Variants in KLRG2 observed in about 807,000 individuals in gnomAD.
The protein encoded by KLRG2 is killer cell lectin like receptor G2, also known as killer cell lectin-like receptor subfamily G member 2.
In KLRG2, 39 loss-of-function variants were observed where a neutral mutation model predicts 35.4. The observed-to-expected ratio is 1.10, with a 90% CI of 0.85 to 1.44. KLRG2 has a LOEUF of 1.44. KLRG2 is among the 40% of genes most tolerant of loss of function. KLRG2 has a pLI of 0.00. For missense variants in KLRG2, 632 were observed against 570.9 expected (o/e 1.11, Z -1.09); for synonymous variants, 283 against 265.8 (o/e 1.06, Z -0.63).
At position 139,467,339 on chromosome 7, in the gene KLRG2, A is replaced by G. The variant is rs532409947; in HGVS notation, c.1005+12288T>C. Among the ~76,000 whole-genome samples the G allele has an allele frequency of 5.9e-5, 9 of 152,328 alleles. No individual in the cohort carries two copies. In the East Asian group the frequency reaches 1.7e-3, roughly 29 times the overall value. On this transcript the variant is annotated intron_variant, in intron 3 of 4. Coordinates refer to ENST00000340940, the MANE Select transcript of KLRG2 (RefSeq NM_198508.4). Reference sequence around the variant, plus strand: ...AGCCATCATATCCCCTGTGACCTGCACATATATATACATCCAGGTGGCCTG... The same window carrying G: ...AGCCATCATATCCCCTGTGACCTGCGCATATATATACATCCAGGTGGCCTG...
the KLRG2 span, among the ~76,000 whole-genome samples, chr7:139,440,751 G>A: frequency 1.5e-3 from 225 of 152,094 alleles, no homozygotes; most frequent in African/African-American, 5.1e-3. Flanking sequence ...TGCCTGGCAC[G>A]ACCTCATCTT....
At chr7:139,446,335 G>GGTT in the KLRG2 span, among the ~76,000 whole-genome samples, 1 of 127,954 alleles carries the variant, frequency 7.8e-6, no homozygotes, top group Non-Finnish European at 1.6e-5. Flanking sequence ...CATTTTCCAG[G>GGTT]GTTTTTTTTT....
intron 3 of KLRG2, among the ~76,000 whole-genome samples, chr7:139,459,568 C>A (rs927481642): frequency 6.6e-6 from 1 of 152,208 alleles, no homozygotes; most frequent in Non-Finnish European, 1.5e-5. Context: ...TCAACGCCAA[C>A]ACCTCAGGGC....
the KLRG2 span, among the ~76,000 whole-genome samples, chr7:139,435,770 C>G: frequency 6.6e-6 from 1 of 152,250 alleles, no homozygotes; most frequent in Non-Finnish European, 1.5e-5. Flanking sequence ...TGCATCAGCA[C>G]ATCCCACCTT....
At chr7:139,440,410 GC>G in the KLRG2 span, among the ~76,000 whole-genome samples, 2 of 61,224 alleles carry the variant, frequency 3.3e-5, no homozygotes, top group African/African-American at 1.8e-4. Flanking sequence ...ACCACACCTG[GC>G]TTTTTTTTTT....
Position 139,483,629 on chromosome 7 carries a change from C to G in KLRG2, c.14G>C (p.Trp5Ser), listed in dbSNP as rs1206713311. 2.6e-6 allele frequency: 4 copies of G among 1,554,892 alleles called. No homozygotes were observed. In the South Asian group the frequency reaches 3.5e-5, roughly 14 times the overall value. MEES[W>S]EAAPGGQAGA... ...GGCTTGGCCTCCGGGCGCAGCCTCC[C>G]AAGACTCCTCCATCCCGCGCGCCCC... The change falls in exon 1 of 5, where the codon TGG becomes TCG. Residue 5 changes from tryptophan to serine, a missense_variant. By Grantham distance (177) the Trp-to-Ser change is radical. Coordinates refer to ENST00000340940, the MANE Select transcript of KLRG2 (RefSeq NM_198508.4).
the KLRG2 span, among the ~76,000 whole-genome samples, chr7:139,440,443 TA>T: frequency 7.0e-6 from 1 of 143,586 alleles, no homozygotes; most frequent in African/African-American, 2.7e-5. Context: ...TTTGTATTTT[TA>T]GTAGAGACTG....
At chr7:139,429,312 TAAGTA>T in the KLRG2 span, among the ~76,000 whole-genome samples, 1 of 151,820 alleles carries the variant, frequency 6.6e-6, no homozygotes, top group Non-Finnish European at 1.5e-5. Context: ...TCTCAAAAAA[TAAGTA>T]AATAAATCAT....
chr7:139,475,507 G>A (rs1320222778), intron 3 of KLRG2, among the ~76,000 whole-genome samples: 16 of 150,566 alleles, frequency 1.1e-4, no homozygotes, highest in Non-Finnish European at 7.4e-5. Context: ...CTCCAGCCTG[G>A]GTGACAGCGC....
Position 139,483,356 on chromosome 7 carries a change from G to A in KLRG2, c.287C>T (p.Pro96Leu). Reference sequence around the variant, plus strand: ...GGGCAGCTTGACCAAGGCAGGGCCCGGTGACGGCGGCTCGGGGCAGACCCC... The same window carrying A: ...GGGCAGCTTGACCAAGGCAGGGCCCAGTGACGGCGGCTCGGGGCAGACCCC... ...GYGVCPEPPS[P>L]GPALVKLPRN... The change falls in exon 1 of 5, where the codon CCG becomes CTG. Residue 96 changes from proline (P) to leucine (L), a missense_variant. Physicochemically the swap from Pro to Leu is moderately conservative, Grantham distance 98 (BLOSUM62 -3). Coordinates refer to ENST00000340940, the MANE Select transcript of KLRG2 (RefSeq NM_198508.4). The A allele has an allele frequency of 2.6e-6, 4 of 1,541,396 alleles. No individual in the cohort carries two copies. Among genetic ancestry groups the A allele is most frequent in the South Asian group, 1.2e-5 (1 of 85,130 alleles).
chr7:139,464,878 C>T (rs182775166), intron 3 of KLRG2, among the ~76,000 whole-genome samples: 57 of 152,362 alleles, frequency 3.7e-4, no homozygotes, highest in African/African-American at 1.3e-3. Context: ...TTTTCTTCCT[C>T]ACACCTGACA....
chr7:139,448,307 T>C (rs1206188780), downstream of KLRG2, among the ~76,000 whole-genome samples: 1 of 152,192 alleles, frequency 6.6e-6, no homozygotes, highest in African/African-American at 2.4e-5. Flanking sequence ...ACATTTCTCC[T>C]TTTTATAAAA....
chr7:139,439,894 A>C, the KLRG2 span, among the ~76,000 whole-genome samples: 2,050 of 152,270 alleles, frequency 0.013, 20 homozygotes, highest in Non-Finnish European at 0.021. Context: ...ATTAAAAAAA[A>C]CCAAAAACCC....
chr7:139,445,070 G>C, the KLRG2 span, among the ~76,000 whole-genome samples: 1 of 143,194 alleles, frequency 7.0e-6, no homozygotes, highest in Non-Finnish European at 1.5e-5. Context: ...CTATGGGCTG[G>C]CACTATTTCT....
At chr7:139,475,965 A>AC (rs1468429027) in intron 3 of KLRG2, among the ~76,000 whole-genome samples, 9 of 152,062 alleles carry the variant, frequency 5.9e-5, no homozygotes, top group Admixed American at 1.3e-4. Flanking sequence ...AAAAAAAAAA[A>AC]ACACATTTGG....
downstream of KLRG2, among the ~76,000 whole-genome samples, chr7:139,450,639 TTTTA>T (rs1433858745): frequency 3.9e-5 from 6 of 152,178 alleles, no homozygotes; most frequent in African/African-American, 1.4e-4. Context: ...TTACTATTAT[TTTTA>T]TTGTTAGTTT....
chr7:139,428,880 C>T, the KLRG2 span, among the ~76,000 whole-genome samples: 3 of 152,094 alleles, frequency 2.0e-5, no homozygotes, highest in African/African-American at 7.2e-5. Context: ...TTAAATAGTT[C>T]AACAATTTGA....
intron 3 of KLRG2, among the ~76,000 whole-genome samples, chr7:139,475,231 T>C (rs951997684): frequency 1.3e-5 from 2 of 151,954 alleles, no homozygotes; most frequent in Non-Finnish European, 2.9e-5. Context: ...AACAGGAAGG[T>C]GAGTGAGAAC....
intron 3 of KLRG2, among the ~76,000 whole-genome samples, chr7:139,471,143 C>G (rs571212341): frequency 6.6e-6 from 1 of 151,902 alleles, no homozygotes; most frequent in Non-Finnish European, 1.5e-5. Context: ...CCACCGGGCC[C>G]GGACTTCCAT....
Sources: allele counts gnomAD v4.1 joint callset (sites outside exome capture counted in the v4.1 genomes callset), GRCh38; gene constraint gnomAD v4.1.1; transcripts MANE v1.5; gene names NCBI Gene and HGNC (gene_info 2026-07-23, HGNC 2026-07-21).